The following PTPRG variants were observed in gnomAD, a reference collection of about 807,000 sequenced individuals.
PTPRG encodes receptor-type tyrosine-protein phosphatase gamma.
In PTPRG, 102 loss-of-function variants were observed where a neutral mutation model predicts 165.3. The observed-to-expected ratio is 0.62, with a 90% CI of 0.53 to 0.73. The LOEUF is 0.73. Ranked by LOEUF, PTPRG falls within the 30% of genes least tolerant of loss-of-function variation. The pLI is 0.00. For missense variants in PTPRG, 1,866 were observed against 1,861.4 expected, an observed-to-expected ratio of 1.00 and a Z score of -0.05; for synonymous variants, 675 against 669.5, an observed-to-expected ratio of 1.01 and a Z score of -0.13.
chr3:61,712,880 A>G (rs910222660), intron 1 of PTPRG, among the ~76,000 whole-genome samples: 5 of 152,188 alleles, frequency 3.3e-5, no homozygotes, highest in Admixed American at 3.3e-4. Context: ...ATTGTAATCA[A>G]TGGTATGTTG....
chr3:61,743,885 A>C (rs953455032), intron 1 of PTPRG, among the ~76,000 whole-genome samples: 3 of 150,468 alleles, frequency 2.0e-5, no homozygotes, highest in Non-Finnish European at 4.4e-5. Context: ...TGCTGACATA[A>C]GCAAGTATGC....
Position 61,834,816 on chromosome 3 carries a change from G to T in PTPRG, c.190+85834G>T, listed in dbSNP as rs138507710. Among the ~76,000 whole-genome samples the T allele has an allele frequency of 4.4e-3, 675 of 151,794 alleles. 12 individuals carry two copies. Among genetic ancestry groups the T allele is most frequent in the Admixed American group, 0.028 (425 of 15,262 alleles). ...CTGGAGTGAGACTCCATCTCAAAAA[G>T]AAAAAAACATGAACATTTTGGTTCT... On this transcript the variant is annotated intron_variant, in intron 2 of 29. Coordinates refer to ENST00000474889, the MANE Select transcript of PTPRG (RefSeq NM_002841.4).
At chr3:62,081,753 C>T (rs761674515) in intron 5 of PTPRG, among the ~76,000 whole-genome samples, 37 of 152,140 alleles carry the variant, frequency 2.4e-4, no homozygotes, top group Admixed American at 3.3e-4. Flanking sequence ...CTAGTTAGAT[C>T]TCATTTTTTA....
At chr3:62,045,982 A>G (rs1354417827) in intron 4 of PTPRG, among the ~76,000 whole-genome samples, 3 of 152,210 alleles carry the variant, frequency 2.0e-5, no homozygotes, top group South Asian at 4.1e-4. Flanking sequence ...AGATTCATCT[A>G]TAGGAGGTGG....
At chr3:61,858,880 C>G (rs932010927) in intron 2 of PTPRG, among the ~76,000 whole-genome samples, 58 of 152,286 alleles carry the variant, frequency 3.8e-4, no homozygotes, top group African/African-American at 1.4e-3. Context: ...ATTACAAACT[C>G]CTTTTAATAA....
At chr3:61,662,813 T>G (rs1301505310) in intron 1 of PTPRG, among the ~76,000 whole-genome samples, 1 of 152,164 alleles carries the variant, frequency 6.6e-6, no homozygotes, top group Non-Finnish European at 1.5e-5. Context: ...AGTAGCATTT[T>G]AAAAAGGCCT....
At chr3:61,582,800 T>A (rs1700332634) in intron 1 of PTPRG, among the ~76,000 whole-genome samples, 1 of 152,180 alleles carries the variant, frequency 6.6e-6, no homozygotes, top group Non-Finnish European at 1.5e-5. Context: ...CAACTGTTAG[T>A]GGAAACGCCA....
chr3:62,073,234 T>C (rs902444322), intron 4 of PTPRG, among the ~76,000 whole-genome samples: 16 of 152,194 alleles, frequency 1.1e-4, no homozygotes, highest in Non-Finnish European at 1.9e-4. Flanking sequence ...ATAGAAGGAA[T>C]GGTGGAGTTA....
chr3:61,844,973 C>G (rs2036766127), intron 2 of PTPRG, among the ~76,000 whole-genome samples: 1 of 152,152 alleles, frequency 6.6e-6, no homozygotes, highest in Non-Finnish European at 1.5e-5. Flanking sequence ...CTATATCTGC[C>G]TTATTTGTTG....
At chr3:61,926,592 C>A (rs2039217006) in intron 2 of PTPRG, among the ~76,000 whole-genome samples, 1 of 123,384 alleles carries the variant, frequency 8.1e-6, no homozygotes, top group Non-Finnish European at 1.7e-5. Flanking sequence ...TCCCTCCCTC[C>A]CTCCCTCCCT....
intron 1 of PTPRG, among the ~76,000 whole-genome samples, chr3:61,728,889 A>AAAAG (rs1220053456): frequency 2.0e-5 from 3 of 150,532 alleles, no homozygotes; most frequent in African/African-American, 4.9e-5. Flanking sequence ...AAAAAAAAAA[A>AAAAG]AAAGAAAGAA....
At chr3:61,855,100 C>G (rs150755247) in intron 2 of PTPRG, among the ~76,000 whole-genome samples, 5 of 152,292 alleles carry the variant, frequency 3.3e-5, no homozygotes, top group African/African-American at 9.6e-5. Context: ...TGACAACAAG[C>G]CTTTCCCTTG....
chr3:61,909,389 T>G (rs1575774728), intron 2 of PTPRG, among the ~76,000 whole-genome samples: 2 of 152,170 alleles, frequency 1.3e-5, no homozygotes, highest in Admixed American at 6.6e-5. Flanking sequence ...TCACTCTGTT[T>G]CCCAGGTTAG....
intron 2 of PTPRG, among the ~76,000 whole-genome samples, chr3:61,867,788 T>C (rs2037451794): frequency 6.6e-6 from 1 of 152,172 alleles, no homozygotes; most frequent in Non-Finnish European, 1.5e-5. Flanking sequence ...GGACGTCCCT[T>C]ACGGAACTCA....
intron 4 of PTPRG, among the ~76,000 whole-genome samples, chr3:62,051,780 CG>C (rs1303259880): frequency 1.3e-5 from 2 of 152,092 alleles, no homozygotes; most frequent in Non-Finnish European, 2.9e-5. Flanking sequence ...ATGTTGCAGC[CG>C]GCGCCCTCAT....
intron 14 of PTPRG, among the ~76,000 whole-genome samples, chr3:62,239,349 CTTT>C (rs1168589653): frequency 2.8e-5 from 4 of 144,076 alleles, no homozygotes; most frequent in Admixed American, 6.9e-5. Flanking sequence ...TTCTTTCTTT[CTTT>C]TTTCTTTCTT....
chr3:61,585,729 A>G (rs1040143365), intron 1 of PTPRG, among the ~76,000 whole-genome samples: 3 of 152,274 alleles, frequency 2.0e-5, no homozygotes, highest in South Asian at 2.1e-4. Flanking sequence ...CCTGGGCAAC[A>G]GAGCCAGACC....
chr3:61,819,774 G>A (rs1274667065), intron 2 of PTPRG, among the ~76,000 whole-genome samples: 2 of 152,090 alleles, frequency 1.3e-5, no homozygotes, highest in African/African-American at 4.8e-5. Context: ...AATGTTTTTA[G>A]CACAAAAAGG....
chr3:61,873,283 C>T (rs2107449754), intron 2 of PTPRG, among the ~76,000 whole-genome samples: 1 of 152,264 alleles, frequency 6.6e-6, no homozygotes, highest in South Asian at 2.1e-4. Context: ...GTTGTTTATT[C>T]ATACCTTGGG....
Sources: gnomAD v4.1 joint callset for allele counts (sites outside exome capture counted in the v4.1 genomes callset) on GRCh38, gnomAD v4.1.1 for gene constraint, MANE v1.5 for transcripts, NCBI Gene and HGNC (gene_info 2026-07-23, HGNC 2026-07-21) for gene names.